Variants in RPH3AL observed in about 807,000 individuals in gnomAD.
RPH3AL encodes rab effector Noc2.
RPH3AL carries 38 observed loss-of-function variants against 43.1 expected under a neutral mutation model. The observed-to-expected ratio is 0.88, with a 90% CI of 0.68 to 1.15. RPH3AL has a LOEUF of 1.15. Ranked by LOEUF, RPH3AL falls within the 50% of genes most tolerant of loss-of-function variation. RPH3AL has a pLI of 0.00. For missense variants in RPH3AL, 462 were observed against 423.2 expected, an observed-to-expected ratio of 1.09 and a Z score of -0.81; for synonymous variants, 189 against 176.3, an observed-to-expected ratio of 1.07 and a Z score of -0.57.
intron 9 of RPH3AL, 44 bp from the exon 10 acceptor site, chr17:213,967 A>T (rs773455382): frequency 6.9e-7 from 1 of 1,454,162 alleles, no homozygotes; most frequent in South Asian, 1.2e-5. Flanking sequence ...GCAGCGGTGG[A>T]GTCCCTCCCT....
At position 225,290 on chromosome 17, in the gene RPH3AL, C is replaced by T. The variant is rs532786933; in HGVS notation, c.614-5554G>A. ...ATGGGGATGGGGCATGGCTGTGGTC[C>T]GTGTGCCCTCTTCGTAGTACTTGAG... On this transcript the variant is annotated intron_variant, in intron 7 of 9. Transcript: ENST00000331302. This position sits in a 1 kb window ranked among gnomAD's most constrained non-coding sequence, Gnocchi z 4.4. Among the ~76,000 whole-genome samples, 9 of 152,172 alleles carry T rather than the reference C, an allele frequency of 5.9e-5. No individual in the cohort carries two copies. The highest frequency in any genetic ancestry group is 1.3e-4 in the Admixed American group (2 of 15,282).
At chr17:293,783 A>C (rs1345376552) in intron 5 of RPH3AL, among the ~76,000 whole-genome samples, 4 of 151,904 alleles carry the variant, frequency 2.6e-5, no homozygotes, top group African/African-American at 4.9e-5. Flanking sequence ...AATCCCAGCA[A>C]TTTGGGAGGC....
At chr17:217,476 T>A (rs1244956098) in intron 8 of RPH3AL, among the ~76,000 whole-genome samples, 1 of 58,050 alleles carries the variant, frequency 1.7e-5, no homozygotes, top group East Asian at 4.8e-4. Context: ...AGGCATTTCA[T>A]TCCCATCTGG....
intron 5 of RPH3AL, among the ~76,000 whole-genome samples, chr17:316,629 C>T (rs112818877): frequency 2.8e-5 from 4 of 142,152 alleles, no homozygotes; most frequent in African/African-American, 1.1e-4. Flanking sequence ...AGTCCCTGTA[C>T]TCCACCTCCA....
intron 6 of RPH3AL, among the ~76,000 whole-genome samples, chr17:270,136 G>C (rs1002930502): frequency 2.0e-5 from 3 of 152,116 alleles, no homozygotes; most frequent in Admixed American, 2.0e-4. Flanking sequence ...CAGCAGCCCA[G>C]AGTGAGGCAG....
chr17:243,540 A>G lies in RPH3AL; in HGVS notation c.613+3571T>C, dbSNP rs550423806. Reference sequence around the variant, plus strand: ...TCTATTGATTACCTTTCCTCTATTGATTACCTTCCTCTACTGATTGCCCCT... The same window carrying G: ...TCTATTGATTACCTTTCCTCTATTGGTTACCTTCCTCTACTGATTGCCCCT... On this transcript the variant is annotated intron_variant, in intron 7 of 9. Transcript: ENST00000331302. Among the ~76,000 whole-genome samples the G allele has an allele frequency of 1.6e-5, 2 of 128,076 alleles. 1 individual carries two copies. The highest frequency in any genetic ancestry group is 6.3e-5 in the African/African-American group (2 of 31,958). 84.0% of individuals were successfully genotyped at this position (128,076 alleles called of 152,430 possible).
intron 8 of RPH3AL, among the ~76,000 whole-genome samples, chr17:216,504 T>G (rs2040807016): frequency 6.6e-6 from 1 of 152,106 alleles, no homozygotes; most frequent in South Asian, 2.1e-4. Flanking sequence ...AGAGCAGACG[T>G]GGAGCCTGCT....
rs1207069889 is a variant in RPH3AL at position 213,576 on chromosome 17, A to G, written c.*276T>C. 1.1e-5 allele frequency: 6 copies of G among 546,372 alleles called. No homozygotes were observed. The highest frequency in any genetic ancestry group is 2.0e-5 in the Non-Finnish European group (6 of 304,326). The allele number at this position is 546,372 out of a possible 1,614,324, so 33.8% of individuals were successfully genotyped here. A position where few individuals can be genotyped will look rare whatever the true frequency, so the allele number is the denominator to read the frequency against. Reference sequence around the variant, plus strand: ...CCAAGACACGCGCAAACTTAAAATCATCACCAGGTAGATTGGGGGTGTGGG... The same window carrying G: ...CCAAGACACGCGCAAACTTAAAATCGTCACCAGGTAGATTGGGGGTGTGGG... On this transcript the variant is annotated 3_prime_UTR_variant, in exon 10 of 10. Coordinates refer to ENST00000331302, the MANE Select transcript of RPH3AL (RefSeq NM_006987.4).
chr17:218,416 C>CT (rs2040865531), intron 8 of RPH3AL, among the ~76,000 whole-genome samples: 1 of 80,634 alleles, frequency 1.2e-5, no homozygotes. Context: ...TCGTTCCCAT[C>CT]TGGGGCAGTT....
chr17:351,014 CAGG>C (rs1292291884), intron 1 of RPH3AL, among the ~76,000 whole-genome samples: 1 of 152,156 alleles, frequency 6.6e-6, no homozygotes, highest in African/African-American at 2.4e-5. Context: ...CCAGCCCAGC[CAGG>C]AGAAGATGCT....
At chr17:218,583 C>T (rs999548493) in intron 8 of RPH3AL, among the ~76,000 whole-genome samples, 2 of 151,998 alleles carry the variant, frequency 1.3e-5, no homozygotes, top group African/African-American at 2.4e-5. Flanking sequence ...GTCCCAGTTC[C>T]GACCTGTGGA....
rs143686933 is a variant in RPH3AL at position 229,085 on chromosome 17, C to T, written c.614-9349G>A. Among the ~76,000 whole-genome samples, 443 of 152,244 alleles carry T rather than the reference C, an allele frequency of 2.9e-3. 4 individuals are homozygous for T. Among genetic ancestry groups the T allele is most frequent in the Middle Eastern group, 0.017 (5 of 294 alleles). Reference sequence around the variant, plus strand: ...ATTTTTAAAAAATTAGAATCTAATCCACCCCCTCCAGGAACCCATTCAAAT... The same window carrying T: ...ATTTTTAAAAAATTAGAATCTAATCTACCCCCTCCAGGAACCCATTCAAAT... On this transcript the variant is annotated intron_variant, in intron 7 of 9. Transcript: ENST00000331302.
intron 5 of RPH3AL, among the ~76,000 whole-genome samples, chr17:314,984 C>A (rs866193221): frequency 2.3e-4 from 1 of 4,332 alleles, no homozygotes; most frequent in Non-Finnish European, 5.7e-4. Flanking sequence ...GTCCCTGTGC[C>A]CCACCTCCAT....
chr17:295,923 G>A (rs552912957), intron 5 of RPH3AL, among the ~76,000 whole-genome samples: 120 of 112,724 alleles, frequency 1.1e-3, no homozygotes, highest in Non-Finnish European at 1.5e-3. Flanking sequence ...ATGCACATCA[G>A]TGTGGGAGGG....
At chr17:309,813 C>T (rs1598066267) in intron 5 of RPH3AL, among the ~76,000 whole-genome samples, 1 of 152,286 alleles carries the variant, frequency 6.6e-6, no homozygotes, top group South Asian at 2.1e-4. Context: ...GACACATCCC[C>T]TCCTCGGTGC....
chr17:315,763 T>A (rs62054969), intron 5 of RPH3AL, among the ~76,000 whole-genome samples: 1 of 91,192 alleles, frequency 1.1e-5, no homozygotes. Flanking sequence ...CCATTGACCT[T>A]TAGTCCCCGT....
intron 7 of RPH3AL, among the ~76,000 whole-genome samples, chr17:220,815 A>T (rs1555530785): frequency 5.6e-4 from 3 of 5,354 alleles, no homozygotes; most frequent in East Asian, 3.7e-3. Flanking sequence ...CCCAAGCACA[A>T]CAGCTCTGAG....
intron 5 of RPH3AL, among the ~76,000 whole-genome samples, chr17:301,734 C>G (rs898440898): frequency 6.6e-6 from 1 of 152,132 alleles, no homozygotes; most frequent in Non-Finnish European, 1.5e-5. Context: ...CCACCGCGCC[C>G]GGCCTGTAGG....
At chr17:281,197 C>T (rs1017796508) in intron 6 of RPH3AL, among the ~76,000 whole-genome samples, 3 of 152,096 alleles carry the variant, frequency 2.0e-5, no homozygotes, top group South Asian at 2.1e-4. Context: ...GCAGAAGGGG[C>T]GTTGGGTGGC....
Sources: allele counts gnomAD v4.1 joint callset (sites outside exome capture counted in the v4.1 genomes callset), GRCh38; gene constraint gnomAD v4.1.1; non-coding constraint Gnocchi (gnomAD v3.1); transcripts MANE v1.5; gene names NCBI Gene and HGNC (gene_info 2026-07-23, HGNC 2026-07-21).